Variants in ORC5 observed in about 807,000 individuals in gnomAD.
ORC5 encodes protein phosphatase 1, regulatory subunit 117.
A neutral mutation model predicts 58.8 loss-of-function variants in ORC5; 39 were observed. The ratio of observed to expected loss-of-function variants is 0.66; its 90% CI spans 0.51 to 0.87. The LOEUF (loss-of-function observed/expected upper bound fraction) is 0.87. Among genes scored for constraint, ORC5 ranks in the 40% least tolerant of loss-of-function variants. ORC5 has a pLI of 0.00. For missense variants in ORC5, 493 were observed against 506.3 expected, an observed-to-expected ratio of 0.97 and a Z score of 0.25; for synonymous variants, 218 against 177.6, an observed-to-expected ratio of 1.23 and a Z score of -1.81.
intron 8 of ORC5, among the ~76,000 whole-genome samples, chr7:104,174,000 A>G (rs1584503729): frequency 2.7e-5 from 4 of 150,526 alleles, no homozygotes; most frequent in Admixed American, 2.6e-4. Flanking sequence ...GCCCGCCACT[A>G]CGCCCGGCTA....
Position 104,136,305 on chromosome 7 carries a change from A to ACACAG in ORC5, c.1262+471_1262+475dup, listed in dbSNP as rs1278206748. Among the ~76,000 whole-genome samples the ACACAG allele has an allele frequency of 6.6e-6, 1 of 151,904 alleles. No individual in the cohort carries two copies. Among genetic ancestry groups the ACACAG allele is most frequent in the Non-Finnish European group, 1.5e-5 (1 of 67,968 alleles). Reference sequence around the variant, plus strand: ...CCATTTGTCTCTCTGAAAACTCTAAACACAGCACAGCACACTAGATTTGAT... The same window carrying ACACAG: ...CCATTTGTCTCTCTGAAAACTCTAAACACAGCACAGCACAGCACACTAGATTTGAT... On this transcript the variant is annotated intron_variant, in intron 13 of 13. Transcript: ENST00000297431. This position sits in a 1 kb window ranked among gnomAD's most constrained non-coding sequence, Gnocchi z 4.2.
chr7:104,155,957 T>C (rs1798918975), intron 12 of ORC5, among the ~76,000 whole-genome samples: 1 of 151,722 alleles, frequency 6.6e-6, no homozygotes, highest in Non-Finnish European at 1.5e-5. Context: ...ATACTATTTC[T>C]TTAAAAGCTG....
At chr7:104,181,454 T>C (rs1799428501) in intron 8 of ORC5, among the ~76,000 whole-genome samples, 1 of 152,186 alleles carries the variant, frequency 6.6e-6, no homozygotes, top group Non-Finnish European at 1.5e-5. Flanking sequence ...AAACACTGGT[T>C]ATATTACCAA....
rs34988883 is a variant in ORC5, at chr7:104,181,791, C to CAA, written c.824+2150_824+2151dup. On this transcript the variant is annotated intron_variant, in intron 8 of 13. Transcript: ENST00000297431. ...TGGGCGACAGAGCGAGACTCCGTCTCAAAAAAAAAAAAAAAAAGAAAATGT... is the reference window on the plus strand; with the variant it reads ...TGGGCGACAGAGCGAGACTCCGTCTCAAAAAAAAAAAAAAAAAAAGAAAATGT... Among the ~76,000 whole-genome samples the CAA allele has an allele frequency of 1.6e-3, 138 of 85,780 alleles. 1 individual carries two copies. The highest frequency in any genetic ancestry group is 0.012 in the East Asian group (32 of 2,632). The allele number at this position is 85,780 out of a possible 152,430, so 56.3% of individuals were successfully genotyped here.
chr7:104,200,342 C>G lies in ORC5; in HGVS notation c.366+416G>C, dbSNP rs118031167. On this transcript the variant is annotated intron_variant, in intron 3 of 13. Coordinates refer to ENST00000297431, the MANE Select transcript of ORC5 (RefSeq NM_002553.4). ...TTCTCCCGTCATACTTTATAACCCA[C>G]TAAAACTAGACTATTTGGTACTCTC... Among the ~76,000 whole-genome samples the G allele has an allele frequency of 8.6e-3, 1,303 of 152,332 alleles. 15 individuals are homozygous for G. Among genetic ancestry groups the G allele is most frequent in the Middle Eastern group, 0.034 (10 of 294 alleles).
intron 12 of ORC5, among the ~76,000 whole-genome samples, chr7:104,149,193 A>G (rs1270809391): frequency 3.3e-5 from 5 of 152,184 alleles, no homozygotes; most frequent in Non-Finnish European, 7.4e-5. Flanking sequence ...CAACTCATAA[A>G]ATATTAAAAT....
intron 5 of ORC5, among the ~76,000 whole-genome samples, chr7:104,191,081 C>T (rs1046840171): frequency 7.6e-5 from 11 of 144,496 alleles, no homozygotes; most frequent in Admixed American, 4.9e-4. Context: ...CTAGATGAGA[C>T]ACTGTTACTG....
chr7:104,162,130 C>T (rs1164432948), intron 11 of ORC5, among the ~76,000 whole-genome samples: 1 of 152,142 alleles, frequency 6.6e-6, no homozygotes, highest in Admixed American at 6.5e-5. Context: ...CGAGACAATG[C>T]TCAAGTTCCA....
intron 5 of ORC5, among the ~76,000 whole-genome samples, chr7:104,189,221 T>C (rs1021959887): frequency 5.3e-5 from 8 of 152,052 alleles, no homozygotes; most frequent in African/African-American, 9.7e-5. Context: ...AGAGGTTTAA[T>C]TGACTCACAG....
chr7:104,203,683 T>C (rs17327119), intron 2 of ORC5, among the ~76,000 whole-genome samples: 22,315 of 152,152 alleles, frequency 0.15, 1,859 homozygotes, highest in South Asian at 0.22. Context: ...CACTGTGTTA[T>C]GAAAGATAAA....
intron 12 of ORC5, among the ~76,000 whole-genome samples, chr7:104,160,550 CT>C (rs1259514840): frequency 1.8e-4 from 27 of 151,950 alleles, no homozygotes; most frequent in African/African-American, 6.3e-4. Flanking sequence ...CAAACCTTAA[CT>C]ACTTGTTTTT....
rs1207692091 is a variant in ORC5, at chr7:104,183,872, A to G, written c.824+71T>C. The G allele has an allele frequency of 4.0e-6, 4 of 1,007,672 alleles. No homozygotes were observed. In the Admixed American group the frequency reaches 9.1e-5, roughly 23 times the overall value. 62.4% of individuals were successfully genotyped at this position (1,007,672 alleles called of 1,614,324 possible). A position where few individuals can be genotyped will look rare whatever the true frequency, so the allele number is the denominator to read the frequency against. ...TTCTTTTAGAGTCCCTCTCTCTGTT[A>G]TTTAAGTTGAGAGAGTATATATCCC... On this transcript the variant is annotated intron_variant, in intron 8 of 13. Transcript: ENST00000297431.
intron 13 of ORC5, among the ~76,000 whole-genome samples, chr7:104,128,282 C>T (rs1358109867): frequency 1.3e-5 from 2 of 152,124 alleles, no homozygotes; most frequent in Non-Finnish European, 2.9e-5. Context: ...GCCAACACGC[C>T]TGGCTAATTT....
At chr7:104,147,054 T>C (rs1798764473) in intron 12 of ORC5, among the ~76,000 whole-genome samples, 1 of 152,188 alleles carries the variant, frequency 6.6e-6, no homozygotes, top group Non-Finnish European at 1.5e-5. Flanking sequence ...AGAAATACCT[T>C]GTAAACTGTC....
intron 8 of ORC5, among the ~76,000 whole-genome samples, chr7:104,169,689 G>A (rs1011943849): frequency 1.3e-5 from 2 of 152,064 alleles, no homozygotes; most frequent in Non-Finnish European, 2.9e-5. Context: ...ATGAGTGTGG[G>A]CCTTCTTTGA....
chr7:104,207,101 T>A (rs1379228064), intron 1 of ORC5, among the ~76,000 whole-genome samples: 2 of 152,204 alleles, frequency 1.3e-5, no homozygotes. Flanking sequence ...TCATTCACTC[T>A]CTTCGCAGGT....
Position 104,126,575 on chromosome 7 carries a change from C to T in ORC5, c.*273G>A. On this transcript the variant is annotated 3_prime_UTR_variant, in exon 14 of 14. Coordinates refer to ENST00000297431, the MANE Select transcript of ORC5 (RefSeq NM_002553.4). ...TCAGGCAATTTCAGTGTTAAGATAA[C>T]ATCATTAAGAGTAGAACAGATTGTG... 1 of 343,566 alleles carries T rather than the reference C, an allele frequency of 2.9e-6. No homozygotes were observed. Among genetic ancestry groups the T allele is most frequent in the East Asian group, 4.7e-5 (1 of 21,428 alleles). The allele number at this position is 343,566 out of a possible 1,614,324, so 21.3% of individuals were successfully genotyped here.
intron 8 of ORC5, among the ~76,000 whole-genome samples, chr7:104,180,273 G>A (rs1799406738): frequency 6.6e-6 from 1 of 152,184 alleles, no homozygotes; most frequent in Non-Finnish European, 1.5e-5. Flanking sequence ...CATACTGCAA[G>A]AGGTTTTTCT....
intron 12 of ORC5, among the ~76,000 whole-genome samples, chr7:104,141,917 A>T (rs1401883214): frequency 6.6e-6 from 1 of 152,202 alleles, no homozygotes; most frequent in Non-Finnish European, 1.5e-5. Context: ...TACAGATTCA[A>T]TGCAATCCCC....
Sources: gnomAD v4.1 joint callset for allele counts (sites outside exome capture counted in the v4.1 genomes callset) on GRCh38, gnomAD v4.1.1 for gene constraint, Gnocchi (gnomAD v3.1) non-coding constraint, MANE v1.5 for transcripts, NCBI Gene and HGNC (gene_info 2026-07-23, HGNC 2026-07-21) for gene names.